SDK1: variants seen among roughly 807,000 people sequenced by gnomAD.
The protein encoded by SDK1 is sidekick cell adhesion molecule 1, also known as protein sidekick-1.
SDK1 carries 157 observed loss-of-function variants against 245.5 expected under a neutral mutation model. The observed-to-expected ratio is 0.64, with a 90% CI of 0.56 to 0.73. The LOEUF is 0.73. Ranked by LOEUF, SDK1 falls within the 30% of genes least tolerant of loss-of-function variation. The pLI, the probability that SDK1 is intolerant of heterozygous loss-of-function variation, is 0.00. For missense variants in SDK1, 3,583 were observed against 3,002.3 expected (o/e 1.19, Z -4.52); for synonymous variants, 1,647 against 1,278.5 (o/e 1.29, Z -6.15).
rs1315138414 is a variant in SDK1, at chr7:3,635,005, A to G, written c.459-3999A>G. Among the ~76,000 whole-genome samples, 6 of 152,262 alleles carry G rather than the reference A, an allele frequency of 3.9e-5. No homozygotes were observed. The East Asian group carries it at 9.6e-4, about 24-fold the overall frequency. Reference sequence around the variant, plus strand: ...ACTGTCTTTGTAATGTTTCAAATACATACTGCAATTACTTGTGCTATTTCT... The same window carrying G: ...ACTGTCTTTGTAATGTTTCAAATACGTACTGCAATTACTTGTGCTATTTCT... On this transcript the variant is annotated intron_variant, in intron 2 of 44. Transcript: ENST00000404826.
chr7:3,619,308 C>A lies in SDK1; in HGVS notation c.458+69C>A. ...TGTTTGGAATACTTGCCTTACTGGT[C>A]ATAATAGCACAATGAGTGAAAATAT... On this transcript the variant is annotated intron_variant, in intron 2 of 44. Coordinates refer to ENST00000404826, the MANE Select transcript of SDK1 (RefSeq NM_152744.4). 3.9e-6 allele frequency: 5 copies of A among 1,294,220 alleles called. No homozygotes were observed. The South Asian group carries it at 5.6e-5, about 14-fold the overall frequency. 80.2% of individuals were successfully genotyped at this position (1,294,220 alleles called of 1,614,324 possible). A position where few individuals can be genotyped will look rare whatever the true frequency, so the allele number is the denominator to read the frequency against.
chr7:3,588,530 G>A (rs1429721969), intron 1 of SDK1, among the ~76,000 whole-genome samples: 2 of 152,176 alleles, frequency 1.3e-5, no homozygotes, highest in Non-Finnish European at 2.9e-5. Flanking sequence ...GTGCTGGACA[G>A]GTGCCAGGTC....
intron 5 of SDK1, among the ~76,000 whole-genome samples, chr7:3,919,092 A>T (rs1048395020): frequency 5.3e-5 from 8 of 152,342 alleles, no homozygotes; most frequent in Non-Finnish European, 1.2e-4. Flanking sequence ...TACTATTATT[A>T]ACTATATTCC....
chr7:3,340,311 C>T (rs922746566), intron 1 of SDK1, among the ~76,000 whole-genome samples: 2 of 152,088 alleles, frequency 1.3e-5, no homozygotes, highest in Non-Finnish European at 2.9e-5. Flanking sequence ...TACATTTACT[C>T]TATGAAGTGC....
At chr7:3,430,389 T>A (rs1779806874) in intron 1 of SDK1, among the ~76,000 whole-genome samples, 2 of 152,146 alleles carry the variant, frequency 1.3e-5, no homozygotes, top group Admixed American at 1.3e-4. Context: ...GTATTTCACA[T>A]TCTGAAATCC....
chr7:3,308,831 A>G (rs926671289), intron 1 of SDK1, among the ~76,000 whole-genome samples: 2 of 152,036 alleles, frequency 1.3e-5, no homozygotes, highest in African/African-American at 4.8e-5. Flanking sequence ...GGGGGTTGGA[A>G]GCTCTCAAGT....
intron 30 of SDK1, among the ~76,000 whole-genome samples, chr7:4,152,802 A>C (rs894094324): frequency 1.3e-5 from 2 of 152,250 alleles, no homozygotes; most frequent in South Asian, 2.1e-4. Context: ...GTGAGTATCC[A>C]GAAAACATTA....
chr7:4,008,336 A>G (rs778128814), intron 14 of SDK1, among the ~76,000 whole-genome samples: 9 of 152,360 alleles, frequency 5.9e-5, no homozygotes, highest in South Asian at 2.1e-4. Context: ...ATCCTAAGGA[A>G]AGTGAACACA....
At chr7:3,676,301 C>T (rs996788567) in intron 4 of SDK1, among the ~76,000 whole-genome samples, 2 of 150,476 alleles carry the variant, frequency 1.3e-5, no homozygotes, top group African/African-American at 2.5e-5. Flanking sequence ...TTACACGTAC[C>T]ACACCTGGCC....
At position 3,962,782 on chromosome 7, in the gene SDK1, G is replaced by A. The variant is rs751369433; in HGVS notation, c.1360G>A (p.Gly454Arg). 16 of 1,613,544 alleles carry A rather than the reference G, an allele frequency of 9.9e-6. No homozygotes were observed. The highest frequency in any genetic ancestry group is 4.5e-5 in the East Asian group (2 of 44,884). The change falls in exon 9 of 45, where the codon GGA becomes AGA. Residue 454 changes from glycine (G) to arginine (R), a missense_variant. Gly to Arg is a moderately radical substitution (Grantham distance 125). Coordinates refer to ENST00000404826, the MANE Select transcript of SDK1 (RefSeq NM_152744.4). ...RIQKLRPEDS[G>R]IFQCFASNEG... ...CCAGAAGCTGCGTCCAGAGGACTCC[G>A]GAATCTTCCAGTGCTTCGCCAGCAA...
chr7:4,150,081 A>G (rs1465555351), intron 30 of SDK1, among the ~76,000 whole-genome samples: 1 of 152,098 alleles, frequency 6.6e-6, no homozygotes, highest in Non-Finnish European at 1.5e-5. Context: ...GGGTCCTCAC[A>G]ACTGCGGTTT....
chr7:4,078,527 T>C (rs954262659), intron 21 of SDK1, among the ~76,000 whole-genome samples: 6 of 152,152 alleles, frequency 3.9e-5, no homozygotes, highest in Non-Finnish European at 7.3e-5. Context: ...GTGCAAGACC[T>C]GGTTTCAAAC....
At chr7:3,637,332 A>C (rs1782491678) in intron 2 of SDK1, among the ~76,000 whole-genome samples, 1 of 152,156 alleles carries the variant, frequency 6.6e-6, no homozygotes, top group South Asian at 2.1e-4. Context: ...CCTGGCCTCA[A>C]GTGATCTGCC....
intron 1 of SDK1, among the ~76,000 whole-genome samples, chr7:3,435,846 C>G (rs555797924): frequency 4.3e-4 from 66 of 152,174 alleles, no homozygotes; most frequent in African/African-American, 1.4e-3. Context: ...TACTTACTCT[C>G]AAACTTATAT....
At position 3,812,522 on chromosome 7, in the gene SDK1, A is replaced by G. The variant is rs117229181; in HGVS notation, c.714-8928A>G. ...TAGAAGGTGAATTCACATAAATTCA[A>G]TGGAATTTTTCCATATACTTGCCAT... On this transcript the variant is annotated intron_variant, in intron 4 of 44. Coordinates refer to ENST00000404826, the MANE Select transcript of SDK1 (RefSeq NM_152744.4). Among the ~76,000 whole-genome samples, 285 of 152,338 alleles carry G rather than the reference A, an allele frequency of 1.9e-3. 3 individuals carry two copies. In the East Asian group the frequency reaches 0.044, roughly 24 times the overall value.
chr7:4,132,118 G>T (rs1784867279), intron 27 of SDK1, among the ~76,000 whole-genome samples: 1 of 152,136 alleles, frequency 6.6e-6, no homozygotes, highest in Non-Finnish European at 1.5e-5. Flanking sequence ...GGTTTAAAGG[G>T]AAGTGTTTGC....
chr7:4,018,474 A>G (rs1786599198), intron 17 of SDK1, among the ~76,000 whole-genome samples: 1 of 152,342 alleles, frequency 6.6e-6, no homozygotes, highest in East Asian at 1.9e-4. Context: ...GCCAGGAAGG[A>G]CCTGTCCATA....
chr7:3,881,245 T>C (rs1313881151), intron 5 of SDK1, among the ~76,000 whole-genome samples: 1 of 152,126 alleles, frequency 6.6e-6, no homozygotes, highest in African/African-American at 2.4e-5. Context: ...TTCCTGATGC[T>C]CTCCCTCCCC....
chr7:3,974,339 G>A (rs545926945), intron 12 of SDK1, 30 bp from the exon 13 acceptor site: 1 of 1,590,310 alleles, frequency 6.3e-7, no homozygotes, highest in African/African-American at 1.3e-5. Context: ...TGTGGGGTTT[G>A]TAACTCAAGA....
Sources: allele counts gnomAD v4.1 joint callset (sites outside exome capture counted in the v4.1 genomes callset), GRCh38; gene constraint gnomAD v4.1.1; transcripts MANE v1.5; gene names NCBI Gene and HGNC (gene_info 2026-07-23, HGNC 2026-07-21).